NFASC: variants seen among roughly 807,000 people sequenced by gnomAD.
NFASC encodes the protein neurofascin homolog.
In NFASC, 43 loss-of-function variants were observed where a neutral mutation model predicts 147.5. The observed-to-expected ratio is 0.29, with a 90% CI of 0.23 to 0.38. The LOEUF is 0.38. Ranked by LOEUF, NFASC falls within the 10% of genes least tolerant of loss-of-function variation. NFASC has a pLI of 1.00. For synonymous variants in NFASC, 622 were observed against 665.5 expected (o/e 0.93, Z 1.01); for missense variants, 1,320 against 1,689.0 (o/e 0.78, Z 3.83).
intron 28 of NFASC, among the ~76,000 whole-genome samples, chr1:205,012,532 G>A (rs926281340): frequency 6.6e-6 from 1 of 152,136 alleles, no homozygotes; most frequent in Non-Finnish European, 1.5e-5. Context: ...GAGATGTGGT[G>A]GGGGGAGCTT....
At chr1:204,982,109 G>C (rs2095520508) in intron 21 of NFASC, 89 bp downstream of exon 21, 2 of 841,342 alleles carry the variant, frequency 2.4e-6, no homozygotes, top group Non-Finnish European at 3.5e-6. Flanking sequence ...CTTGGGGTGG[G>C]TATGGGAGGA....
At chr1:204,884,006 T>C (rs2080837602) in intron 1 of NFASC, among the ~76,000 whole-genome samples, 1 of 152,176 alleles carries the variant, frequency 6.6e-6, no homozygotes, top group African/African-American at 2.4e-5. Flanking sequence ...TAACAGTGCC[T>C]CGACATCTTG....
chr1:204,961,232 G>A (rs2094649675), intron 8 of NFASC, among the ~76,000 whole-genome samples: 1 of 152,320 alleles, frequency 6.6e-6, no homozygotes, highest in African/African-American at 2.4e-5. Flanking sequence ...ATGCCCACGA[G>A]TTTGAATTAC....
chr1:204,939,419 A>G (rs945134355), intron 2 of NFASC, among the ~76,000 whole-genome samples: 1 of 152,098 alleles, frequency 6.6e-6, no homozygotes, highest in Admixed American at 6.5e-5. Flanking sequence ...ACATCCTCCT[A>G]TTTGGTCCTA....
chr1:204,932,092 C>G (rs2092412054), intron 2 of NFASC, among the ~76,000 whole-genome samples: 1 of 152,048 alleles, frequency 6.6e-6, no homozygotes, highest in Non-Finnish European at 1.5e-5. Context: ...TGCAGCTAAG[C>G]CCCAGACCAG....
Position 204,946,098 on chromosome 1 carries a change from G to C in NFASC, c.91+1692G>C, listed in dbSNP as rs1388206455. On this transcript the variant is annotated intron_variant, in intron 3 of 29. Transcript: ENST00000339876. ...AGCCCCACCTGTAGGGTAGAGCTGA[G>C]AGTGCCCTGATCTCCCCACCATCTC... 2.6e-5 allele frequency among the ~76,000 whole-genome samples: 4 copies of C among 152,196 alleles called. No individual in the cohort carries two copies. The East Asian group carries it at 7.7e-4, about 29-fold the overall frequency.
At chr1:204,885,264 A>G (rs1425784842) in intron 1 of NFASC, among the ~76,000 whole-genome samples, 1 of 152,160 alleles carries the variant, frequency 6.6e-6, no homozygotes, top group Non-Finnish European at 1.5e-5. Flanking sequence ...CCCTAAAGTG[A>G]ACATTTTAGA....
At chr1:204,851,120 T>C (rs976576046) in intron 1 of NFASC, among the ~76,000 whole-genome samples, 1 of 152,158 alleles carries the variant, frequency 6.6e-6, no homozygotes, top group Non-Finnish European at 1.5e-5. Context: ...AACAAAGAAG[T>C]GCATGTAAAT....
At chr1:204,962,111 A>G (rs1195901334) in intron 8 of NFASC, 2 of 1,612,738 alleles carry the variant, frequency 1.2e-6, no homozygotes. Flanking sequence ...GTTACAGACC[A>G]CCCTTATAAT....
At chr1:204,896,434 G>T (rs2083401587) in intron 1 of NFASC, among the ~76,000 whole-genome samples, 1 of 152,198 alleles carries the variant, frequency 6.6e-6, no homozygotes, top group African/African-American at 2.4e-5. Context: ...GGACTGCCCA[G>T]TAACTCTTTG....
chr1:204,932,650 G>A (rs1425546503), intron 2 of NFASC, among the ~76,000 whole-genome samples: 3 of 152,216 alleles, frequency 2.0e-5, no homozygotes, highest in East Asian at 1.9e-4. Flanking sequence ...ACTGAGACAC[G>A]CCTGTTCACT....
In NFASC at chr1:204,939,038, A is replaced by ATGTGTGTGTGTGTGTG. The variant is rs60166382; in HGVS notation, c.-90-5154_-90-5139dup. On this transcript the variant is annotated intron_variant, in intron 2 of 29. Transcript: ENST00000339876. ...TTCTCTTTTCTTCCTGTATGGATGG[A>ATGTGTGTGTGTGTGTG]TGTGTGTGTGTGTGTGTGTGTGTGT... Among the ~76,000 whole-genome samples the ATGTGTGTGTGTGTGTG allele has an allele frequency of 2.0e-3, 245 of 123,722 alleles. 4 individuals carry two copies. Among genetic ancestry groups the ATGTGTGTGTGTGTGTG allele is most frequent in the Middle Eastern group, 4.1e-3 (1 of 244 alleles). The allele number at this position is 123,722 out of a possible 152,430, so 81.2% of individuals were successfully genotyped here. A position where few individuals can be genotyped will look rare whatever the true frequency, so the allele number is the denominator to read the frequency against.
intron 1 of NFASC, among the ~76,000 whole-genome samples, chr1:204,890,940 A>G (rs2082268201): frequency 6.6e-6 from 1 of 152,226 alleles, no homozygotes; most frequent in Non-Finnish European, 1.5e-5. Flanking sequence ...ATGCTCACCC[A>G]ATGGTCTCAC....
chr1:204,831,408 TG>T (rs1347212229), intron 1 of NFASC, among the ~76,000 whole-genome samples: 2 of 125,470 alleles, frequency 1.6e-5, no homozygotes, highest in African/African-American at 6.1e-5. Flanking sequence ...GGCTGAGAGC[TG>T]GGGGTGGGGT....
intron 1 of NFASC, among the ~76,000 whole-genome samples, chr1:204,835,213 CTTTTTT>C (rs1001302661): frequency 2.5e-5 from 2 of 80,586 alleles, no homozygotes; most frequent in East Asian, 4.5e-4. Context: ...TGAGGTGGGT[CTTTTTT>C]TTTTTTTTTT....
At chr1:205,002,038 A>G (rs971672577) in intron 26 of NFASC, among the ~76,000 whole-genome samples, 2 of 152,210 alleles carry the variant, frequency 1.3e-5, no homozygotes, top group Non-Finnish European at 2.9e-5. Context: ...CCTGGACTCC[A>G]TAGTTTGGTC....
At chr1:204,868,872 TC>T (rs2102964880) in intron 1 of NFASC, among the ~76,000 whole-genome samples, 2 of 152,328 alleles carry the variant, frequency 1.3e-5, no homozygotes, top group South Asian at 4.1e-4. Context: ...CAATGTGGGA[TC>T]AATCTGATCT....
intron 1 of NFASC, among the ~76,000 whole-genome samples, chr1:204,836,536 C>G (rs1282069765): frequency 6.6e-6 from 1 of 152,228 alleles, no homozygotes; most frequent in Admixed American, 6.5e-5. Flanking sequence ...TTTTCCTAGT[C>G]TGTCTGGGCT....
At chr1:204,912,601 G>A (rs1023470149) in intron 1 of NFASC, among the ~76,000 whole-genome samples, 19 of 152,182 alleles carry the variant, frequency 1.2e-4, no homozygotes, top group African/African-American at 4.6e-4. Flanking sequence ...TGCTCAGGAG[G>A]CTGAGGCAGG....
Sources: allele counts gnomAD v4.1 joint callset (sites outside exome capture counted in the v4.1 genomes callset), GRCh38; gene constraint gnomAD v4.1.1; transcripts MANE v1.5; gene names NCBI Gene and HGNC (gene_info 2026-07-23, HGNC 2026-07-21).